Variants in OSBPL8 observed in about 807,000 individuals in gnomAD.
The protein encoded by OSBPL8 is oxysterol-binding protein-related protein 8.
In OSBPL8, 59 loss-of-function variants were observed where a neutral mutation model predicts 125.5. That is an observed-to-expected ratio of 0.47 (90% confidence interval 0.38 to 0.58). The LOEUF (loss-of-function observed/expected upper bound fraction) is 0.58, where lower values mean the gene tolerates loss of function less well. Ranked by LOEUF, OSBPL8 falls within the 20% of genes least tolerant of loss-of-function variation. The probability of loss-of-function intolerance (pLI) is 0.00; values close to 1 mark genes in which losing one functional copy is unlikely to be tolerated. For synonymous variants in OSBPL8, 330 were observed against 338.9 expected (o/e 0.97, Z 0.29); for missense variants, 758 against 1,047.8 (o/e 0.72, Z 3.82).
chr12:76,396,550 G>C (rs1260360577), intron 8 of OSBPL8, among the ~76,000 whole-genome samples: 1 of 152,068 alleles, frequency 6.6e-6, no homozygotes, highest in Non-Finnish European at 1.5e-5. Flanking sequence ...AGGAATTCAA[G>C]ACCAGCCTGG....
At chr12:76,373,567 ACT>A (rs1336443546) in intron 17 of OSBPL8, 134 bp from the exon 18 acceptor site, 1 of 486,744 alleles carries the variant, frequency 2.1e-6, no homozygotes, top group Non-Finnish European at 3.5e-6. Flanking sequence ...GTAAAAAAAT[ACT>A]GACTCAAATT....
chr12:76,513,768 T>G (rs1270003281), intron 1 of OSBPL8, among the ~76,000 whole-genome samples: 2 of 147,126 alleles, frequency 1.4e-5, no homozygotes, highest in East Asian at 2.1e-4. Flanking sequence ...TTTTTTCCGG[T>G]TTTCTGTTTG....
chr12:76,418,405 CA>C, intron 4 of OSBPL8, among the ~76,000 whole-genome samples: 1 of 152,090 alleles, frequency 6.6e-6, no homozygotes, highest in Non-Finnish European at 1.5e-5. Flanking sequence ...TTATTGAAGC[CA>C]AATTCCTTCC....
At chr12:76,380,555 C>A (rs984244332) in intron 15 of OSBPL8, among the ~76,000 whole-genome samples, 1 of 142,710 alleles carries the variant, frequency 7.0e-6, no homozygotes, top group African/African-American at 2.5e-5. Flanking sequence ...AAACCCTCTG[C>A]AAGTATTCAT....
chr12:76,452,184 C>T (rs1280776544), intron 3 of OSBPL8, among the ~76,000 whole-genome samples: 5 of 152,098 alleles, frequency 3.3e-5, no homozygotes, highest in African/African-American at 7.2e-5. Flanking sequence ...CAGAATTTCA[C>T]ATTCACCTTT....
intron 1 of OSBPL8, among the ~76,000 whole-genome samples, chr12:76,533,694 T>G (rs1299160968): frequency 6.6e-6 from 1 of 152,212 alleles, no homozygotes; most frequent in South Asian, 2.1e-4. Flanking sequence ...ACCTACCGGT[T>G]TTCCAAAATT....
chr12:76,361,409 C>T (rs1417638213), intron 21 of OSBPL8, among the ~76,000 whole-genome samples: 2 of 152,194 alleles, frequency 1.3e-5, no homozygotes, highest in Admixed American at 6.5e-5. Context: ...AGCCAGTCAA[C>T]AAGTCTCTAG....
chr12:76,389,359 T>C (rs933216209), intron 12 of OSBPL8, among the ~76,000 whole-genome samples: 1 of 152,190 alleles, frequency 6.6e-6, no homozygotes. Flanking sequence ...GTTAGGTTAG[T>C]GAACTGAGGT....
intron 18 of OSBPL8, among the ~76,000 whole-genome samples, chr12:76,372,599 C>T (rs1288120426): frequency 6.6e-6 from 1 of 152,066 alleles, no homozygotes. Context: ...AACAAAGTCC[C>T]TAACTTCACT....
intron 1 of OSBPL8, among the ~76,000 whole-genome samples, chr12:76,543,727 A>G (rs746884357): frequency 3.3e-5 from 5 of 152,196 alleles, no homozygotes; most frequent in Non-Finnish European, 7.3e-5. Context: ...ATAACCACAA[A>G]CTACATAACT....
chr12:76,471,658 C>G (rs1320881758), intron 2 of OSBPL8, among the ~76,000 whole-genome samples: 2 of 152,208 alleles, frequency 1.3e-5, no homozygotes, highest in East Asian at 3.9e-4. Flanking sequence ...TGCACTCCCA[C>G]AGCCTACCAA....
At chr12:76,476,610 G>T (rs1565928312) in intron 2 of OSBPL8, among the ~76,000 whole-genome samples, 1 of 151,860 alleles carries the variant, frequency 6.6e-6, no homozygotes, top group African/African-American at 2.4e-5. Context: ...GAAAAAAGAT[G>T]GAAAATATAC....
At chr12:76,548,083 TAGA>T (rs1288619533) in intron 1 of OSBPL8, among the ~76,000 whole-genome samples, 3 of 152,172 alleles carry the variant, frequency 2.0e-5, no homozygotes, top group Admixed American at 6.5e-5. Context: ...TTTATGAAGC[TAGA>T]AGAAGACTTC....
intron 1 of OSBPL8, among the ~76,000 whole-genome samples, chr12:76,557,611 T>TA (rs35658174): frequency 0.014 from 1,877 of 136,390 alleles, 36 homozygotes; most frequent in African/African-American, 0.045. Flanking sequence ...GAGACAGTCT[T>TA]AAAAAAAAAA....
intron 1 of OSBPL8, among the ~76,000 whole-genome samples, chr12:76,520,478 C>A (rs1474960857): frequency 6.6e-6 from 1 of 152,154 alleles, no homozygotes; most frequent in Non-Finnish European, 1.5e-5. Context: ...TCAAAGTGTA[C>A]AACACACACA....
intron 18 of OSBPL8, 40 bp from the exon 19 acceptor site, chr12:76,371,624 A>G (rs1360844626): frequency 6.8e-7 from 1 of 1,477,920 alleles, no homozygotes; most frequent in Non-Finnish European, 9.0e-7. Flanking sequence ...AAAGAATTAT[A>G]CTTAGAAGGC....
chr12:76,502,254 A>C (rs1458420874), intron 1 of OSBPL8, among the ~76,000 whole-genome samples: 1 of 152,206 alleles, frequency 6.6e-6, no homozygotes, highest in Non-Finnish European at 1.5e-5. Context: ...GACATCATCC[A>C]CTATTACCCC....
chr12:76,487,021 ATTTTTTTT>A (rs63178360), intron 2 of OSBPL8, among the ~76,000 whole-genome samples: 1 of 101,900 alleles, frequency 9.8e-6, no homozygotes, highest in Non-Finnish European at 1.9e-5. Context: ...TGCAATTTTC[ATTTTTTTT>A]TTTTTTTTTT....
chr12:76,442,688 A>T (rs1387001342), intron 4 of OSBPL8, among the ~76,000 whole-genome samples: 1 of 152,170 alleles, frequency 6.6e-6, no homozygotes, highest in Non-Finnish European at 1.5e-5. Flanking sequence ...TCAAGAACAC[A>T]TTTGTTATAT....
Sources: gnomAD v4.1 joint callset for allele counts (sites outside exome capture counted in the v4.1 genomes callset) on GRCh38, gnomAD v4.1.1 for gene constraint, MANE v1.5 for transcripts, NCBI Gene and HGNC (gene_info 2026-07-23, HGNC 2026-07-21) for gene names.